The following YAF2 variants were observed in gnomAD, a reference collection of about 807,000 sequenced individuals.
The protein encoded by YAF2 is YY1-associated factor 2.
Under a neutral mutation model 20.1 loss-of-function variants are expected in YAF2, and 7 were observed. The ratio of observed to expected loss-of-function variants is 0.35; its 90% CI spans 0.20 to 0.65. The LOEUF is 0.65. Among genes scored for constraint, YAF2 ranks in the 30% least tolerant of loss-of-function variants. The pLI is 0.69. For synonymous variants in YAF2, 74 were observed against 76.0 expected (o/e 0.97, Z 0.14); for missense variants, 151 against 219.2 (o/e 0.69, Z 1.96).
At chr12:42,224,538 C>T (rs1044868770) in intron 2 of YAF2, among the ~76,000 whole-genome samples, 8 of 152,052 alleles carry the variant, frequency 5.3e-5, no homozygotes, top group Non-Finnish European at 1.2e-4. Flanking sequence ...GCCCCCCACC[C>T]CGCGACAGGC....
At chr12:42,224,297 T>C (rs1221367827) in intron 2 of YAF2, among the ~76,000 whole-genome samples, 1 of 152,224 alleles carries the variant, frequency 6.6e-6, no homozygotes, top group East Asian at 1.9e-4. Flanking sequence ...TATATTTTAG[T>C]TTCTGATAGG....
rs1365869253 is a variant in YAF2, at chr12:42,157,722, CA to C, written c.*2866del. On this transcript the variant is annotated 3_prime_UTR_variant, in exon 4 of 4. Transcript: ENST00000534854. ...AAACCTTTATTTCTATTGTATAATA[CA>C]AAAGGTTTTAAGAATATTCTTCTGT... The C allele has an allele frequency of 1.3e-5, 2 of 151,782 alleles. No homozygotes were observed. Among genetic ancestry groups the C allele is most frequent in the African/African-American group, 4.8e-5 (2 of 41,328 alleles). 9.4% of individuals were successfully genotyped at this position (151,782 alleles called of 1,614,324 possible). A position where few individuals can be genotyped will look rare whatever the true frequency, so the allele number is the denominator to read the frequency against.
intron 2 of YAF2, among the ~76,000 whole-genome samples, chr12:42,225,728 T>C (rs1592047040): frequency 6.6e-6 from 1 of 152,214 alleles, no homozygotes; most frequent in Non-Finnish European, 1.5e-5. Context: ...TTCTGTTCTA[T>C]CGGTCTATAT....
Position 42,157,648 on chromosome 12 carries a change from A to C in YAF2, c.*2941T>G, listed in dbSNP as rs962753346. On this transcript the variant is annotated 3_prime_UTR_variant, in exon 4 of 4. Coordinates refer to ENST00000534854, the MANE Select transcript of YAF2 (RefSeq NM_005748.6). ...TTTCTCTTCCTTTTTAAATGTTTTC[A>C]CTTTGTCTATTATCCACTATCATTT... 4.6e-5 allele frequency: 7 copies of C among 152,188 alleles called. No individual in the cohort carries two copies. Among genetic ancestry groups the C allele is most frequent in the Admixed American group, 3.9e-4 (6 of 15,290 alleles). 9.4% of individuals were successfully genotyped at this position (152,188 alleles called of 1,614,324 possible). A position where few individuals can be genotyped will look rare whatever the true frequency, so the allele number is the denominator to read the frequency against.
rs974615446 is a variant in YAF2 at position 42,199,009 on chromosome 12, G to A, written c.153-37244C>T. 6.7e-6 allele frequency: 3 copies of A among 445,092 alleles called. No individual in the cohort carries two copies. In the Admixed American group the frequency reaches 1.2e-4, roughly 18 times the overall value. The allele number at this position is 445,092 out of a possible 1,614,324, so 27.6% of individuals were successfully genotyped here. A position where few individuals can be genotyped will look rare whatever the true frequency, so the allele number is the denominator to read the frequency against. ...TACAGTGCAATTCTAAACTAGCTGTGTTTAATTTCATGTGACTATTTTAAC... is the reference window on the plus strand; with the variant it reads ...TACAGTGCAATTCTAAACTAGCTGTATTTAATTTCATGTGACTATTTTAAC... On this transcript the variant is annotated intron_variant, in intron 2 of 3. Transcript: ENST00000534854.
At chr12:42,167,055 T>C (rs940960260) in intron 2 of YAF2, among the ~76,000 whole-genome samples, 2 of 151,326 alleles carry the variant, frequency 1.3e-5, no homozygotes, top group African/African-American at 4.9e-5. Flanking sequence ...AACCAAACAC[T>C]GCATGTTCTC....
chr12:42,212,893 T>A (rs982145067), intron 2 of YAF2, among the ~76,000 whole-genome samples: 35 of 152,308 alleles, frequency 2.3e-4, no homozygotes, highest in African/African-American at 8.2e-4. Flanking sequence ...GGAATAAATA[T>A]CAGAAAAGGG....
chr12:42,214,982 C>T (rs181406433), intron 2 of YAF2, among the ~76,000 whole-genome samples: 2 of 152,010 alleles, frequency 1.3e-5, no homozygotes, highest in African/African-American at 4.8e-5. Context: ...CCAGCCTGGG[C>T]AACAGAGTGA....
intron 2 of YAF2, among the ~76,000 whole-genome samples, chr12:42,212,894 C>T (rs7316575): frequency 0.71 from 107,740 of 152,194 alleles, 39,422 homozygotes; most frequent in African/African-American, 0.9. Flanking sequence ...GAATAAATAT[C>T]AGAAAAGGGT....
chr12:42,222,226 G>GA (rs2067537824), intron 2 of YAF2, among the ~76,000 whole-genome samples: 1 of 151,950 alleles, frequency 6.6e-6, no homozygotes, highest in South Asian at 2.1e-4. Flanking sequence ...ATACCTTAAA[G>GA]AAAAAAACAC....
intron 2 of YAF2, among the ~76,000 whole-genome samples, chr12:42,211,992 T>C (rs1371316121): frequency 6.6e-6 from 1 of 151,484 alleles, no homozygotes; most frequent in Admixed American, 6.6e-5. Context: ...GAGGTTGCAG[T>C]GAGCCAAGAT....
chr12:42,189,479 G>A (rs1179038128), intron 2 of YAF2, among the ~76,000 whole-genome samples: 2 of 152,090 alleles, frequency 1.3e-5, no homozygotes, highest in Non-Finnish European at 2.9e-5. Flanking sequence ...ACAATGCAAG[G>A]GCATCAGGGA....
intron 2 of YAF2, among the ~76,000 whole-genome samples, chr12:42,194,749 G>T (rs535747079): frequency 6.6e-6 from 1 of 152,194 alleles, no homozygotes; most frequent in Admixed American, 6.5e-5. Flanking sequence ...TACTACCTAT[G>T]GTCCAGGCCC....
At chr12:42,169,618 G>A (rs1372565380) in intron 2 of YAF2, among the ~76,000 whole-genome samples, 2 of 151,922 alleles carry the variant, frequency 1.3e-5, no homozygotes, top group Non-Finnish European at 2.9e-5. Flanking sequence ...TCACCATGTT[G>A]CCCAGGCTGG....
At position 42,234,711 on chromosome 12, in the gene YAF2, C is replaced by T. The variant is rs149867042; in HGVS notation, c.152+2888G>A. On this transcript the variant is annotated intron_variant, in intron 2 of 3. Transcript: ENST00000534854. The stretch of plus-strand genomic sequence containing the variant: ...TTGCCAATAAAGACTTTAAAGGGGC[C>T]GAATGGTGGCTCATTCCTATAATCC... The T allele has an allele frequency of 8.3e-5, 82 of 984,354 alleles. No individual in the cohort carries two copies. The African/African-American group carries it at 1.1e-3, about 13-fold the overall frequency. 61.0% of individuals were successfully genotyped at this position (984,354 alleles called of 1,614,324 possible). A position where few individuals can be genotyped will look rare whatever the true frequency, so the allele number is the denominator to read the frequency against.
At chr12:42,195,549 C>T (rs1026489304) in intron 2 of YAF2, among the ~76,000 whole-genome samples, 1 of 152,070 alleles carries the variant, frequency 6.6e-6, no homozygotes, top group Non-Finnish European at 1.5e-5. Context: ...AGGATGAAAA[C>T]AATATTCCGT....
chr12:42,191,854 G>A (rs1291360676), intron 2 of YAF2, among the ~76,000 whole-genome samples: 1 of 152,086 alleles, frequency 6.6e-6, no homozygotes, highest in Non-Finnish European at 1.5e-5. Context: ...TTGGGAGGCT[G>A]AGGTAGGAGG....
At chr12:42,204,639 T>C (rs368117651) in intron 2 of YAF2, among the ~76,000 whole-genome samples, 1 of 152,152 alleles carries the variant, frequency 6.6e-6, no homozygotes, top group African/African-American at 2.4e-5. Context: ...CTATTCATAA[T>C]AATCAAAAAG....
At chr12:42,217,257 AT>A (rs3834715) in intron 2 of YAF2, among the ~76,000 whole-genome samples, 1,608 of 152,110 alleles carry the variant, frequency 0.011, 29 homozygotes, top group African/African-American at 0.035. Flanking sequence ...AATGGGTATA[AT>A]TTTTTTTATA....
Sources: allele counts gnomAD v4.1 joint callset (sites outside exome capture counted in the v4.1 genomes callset), GRCh38; gene constraint gnomAD v4.1.1; transcripts MANE v1.5; gene names NCBI Gene and HGNC (gene_info 2026-07-23, HGNC 2026-07-21).